SCN1A: variants seen among roughly 807,000 people sequenced by gnomAD.
The protein encoded by SCN1A is sodium channel protein type 1 subunit alpha.
In SCN1A, 13 loss-of-function variants were observed where a neutral mutation model predicts 193.7. The ratio of observed to expected loss-of-function variants is 0.07; its 90% confidence interval spans 0.04 to 0.11. The LOEUF (loss-of-function observed/expected upper bound fraction) is 0.11, where lower values mean the gene tolerates loss of function less well. SCN1A is among the 10% of genes least tolerant of loss of function. The pLI is 1.00. For synonymous variants in SCN1A, 781 were observed against 843.6 expected, an observed-to-expected ratio of 0.93 and a Z score of 1.29; for missense variants, 1,432 against 2,451.1, an observed-to-expected ratio of 0.58 and a Z score of 8.78.
upstream of SCN1A, among the ~76,000 whole-genome samples, chr2:166,130,022 T>C (rs1691594053): frequency 6.6e-6 from 1 of 152,122 alleles, no homozygotes; most frequent in South Asian, 2.1e-4. Flanking sequence ...GATACTGAAA[T>C]AGCAGCCAGC....
chr2:166,082,455 T>A (rs896574405), intron 2 of SCN1A, among the ~76,000 whole-genome samples: 1 of 150,570 alleles, frequency 6.6e-6, no homozygotes, highest in African/African-American at 2.4e-5. Context: ...CTCTAATTGA[T>A]CTAGGTCTCT....
At chr2:166,140,618 C>T (rs1692041072) in intron 1 of SCN1A, among the ~76,000 whole-genome samples, 1 of 152,158 alleles carries the variant, frequency 6.6e-6, no homozygotes, top group Non-Finnish European at 1.5e-5. Flanking sequence ...AAGCATGCCT[C>T]AATCTGGCAA....
chr2:166,116,068 G>A (rs555718178), intron 2 of SCN1A, among the ~76,000 whole-genome samples: 3 of 152,272 alleles, frequency 2.0e-5, no homozygotes, highest in East Asian at 1.9e-4. Flanking sequence ...AAGGTAGATC[G>A]ACCATGGGGT....
At chr2:166,063,779 T>C (rs1559264794) in intron 4 of SCN1A, among the ~76,000 whole-genome samples, 1 of 152,108 alleles carries the variant, frequency 6.6e-6, no homozygotes. Flanking sequence ...ATCTGAATTA[T>C]TATCATTTGG....
chr2:166,124,091 A>G (rs1690953076), intron 2 of SCN1A, among the ~76,000 whole-genome samples: 1 of 152,124 alleles, frequency 6.6e-6, no homozygotes, highest in Non-Finnish European at 1.5e-5. Context: ...AAGAACTTAC[A>G]TTTACTGACA....
intron 2 of SCN1A, among the ~76,000 whole-genome samples, chr2:166,083,582 T>G (rs1001135793): frequency 2.6e-5 from 4 of 152,084 alleles, no homozygotes; most frequent in Non-Finnish European, 5.9e-5. Flanking sequence ...AGTTTTTGCC[T>G]GAGATTCAGA....
At chr2:166,115,250 T>C (rs1485383387) in intron 2 of SCN1A, among the ~76,000 whole-genome samples, 1 of 152,058 alleles carries the variant, frequency 6.6e-6, no homozygotes, top group Non-Finnish European at 1.5e-5. Flanking sequence ...TCCCCGCCAC[T>C]TGGGGGGCTG....
chr2:166,118,099 T>A (rs1392275470), intron 2 of SCN1A, among the ~76,000 whole-genome samples: 1 of 147,660 alleles, frequency 6.8e-6, no homozygotes, highest in Non-Finnish European at 1.5e-5. Flanking sequence ...ATCAGCAGAG[T>A]ATGCAAAAAC....
downstream of SCN1A, chr2:165,985,519 G>C (rs1011352249): frequency 2.6e-5 from 4 of 152,100 alleles, no homozygotes; most frequent in African/African-American, 9.7e-5. Context: ...TTATAATGAT[G>C]TCCTCTTGCT....
chr2:166,136,886 G>A (rs1278998293), intron 1 of SCN1A, among the ~76,000 whole-genome samples: 3 of 152,124 alleles, frequency 2.0e-5, no homozygotes, highest in African/African-American at 7.2e-5. Context: ...GGTGTGGTCG[G>A]GGAGACTCTC....
At chr2:166,082,743 G>T (rs1685669182) in intron 2 of SCN1A, among the ~76,000 whole-genome samples, 3 of 151,948 alleles carry the variant, frequency 2.0e-5, no homozygotes. Context: ...TAATTTATCT[G>T]TAACTCCAAA....
Position 166,012,286 on chromosome 2 carries a change from T to C in SCN1A, c.3706-4A>G, listed in dbSNP as rs755132803. ...CAATATATATATCTTCAAATGCCTA[T>C]AAAGAAAATGTTACACATTATTAGC... On this transcript the variant is annotated splice_polypyrimidine_tract_variant and splice_region_variant and intron_variant, in intron 21 of 28. Coordinates refer to ENST00000674923, the MANE Select transcript of SCN1A (RefSeq NM_001165963.4). 6.2e-7 allele frequency: 1 copy of C among 1,602,380 alleles called. No homozygotes were observed.
At chr2:166,075,856 T>A (rs543743845) in intron 3 of SCN1A, among the ~76,000 whole-genome samples, 1 of 152,112 alleles carries the variant, frequency 6.6e-6, no homozygotes, top group East Asian at 1.9e-4. Context: ...ATTTCCAATC[T>A]GACAGGGACA....
chr2:166,121,118 G>GAAAAAA (rs11299049), intron 2 of SCN1A, among the ~76,000 whole-genome samples: 3 of 96,580 alleles, frequency 3.1e-5, no homozygotes, highest in East Asian at 3.0e-4. Flanking sequence ...GGAAAAAAAA[G>GAAAAAA]AAAAAAAAAA....
At position 165,987,892 on chromosome 2, in the gene SCN1A, C is replaced by T. The variant is rs1370869788; in HGVS notation, c.*3353G>A. On this transcript the variant is annotated 3_prime_UTR_variant, in exon 29 of 29. Coordinates refer to ENST00000674923, the MANE Select transcript of SCN1A (RefSeq NM_001165963.4). ...TGCAGGGTTTATCCTATAATTCTGA[C>T]CTACCTTAGTTGGAAATGGGAATTT... 7 of 151,988 alleles carry T rather than the reference C, an allele frequency of 4.6e-5. No homozygotes were observed. The East Asian group carries it at 1.4e-3, about 29-fold the overall frequency. The allele number at this position is 151,988 out of a possible 1,614,324, so 9.4% of individuals were successfully genotyped here. A position where few individuals can be genotyped will look rare whatever the true frequency, so the allele number is the denominator to read the frequency against.
At chr2:166,111,324 TA>T (rs1391947175) in intron 2 of SCN1A, among the ~76,000 whole-genome samples, 1 of 152,038 alleles carries the variant, frequency 6.6e-6, no homozygotes, top group Admixed American at 6.6e-5. Context: ...AGAAGTATGC[TA>T]AATATACTCT....
chr2:165,996,161 G>A, intron 26 of SCN1A, 44 bp from the exon 27 acceptor site: 2 of 1,253,374 alleles, frequency 1.6e-6, no homozygotes, highest in Non-Finnish European at 1.2e-6. Flanking sequence ...GTGTCCTTTT[G>A]TACATTTTTT....
At chr2:166,094,653 T>G (rs1385362272) in intron 2 of SCN1A, among the ~76,000 whole-genome samples, 1 of 152,236 alleles carries the variant, frequency 6.6e-6, no homozygotes, top group Admixed American at 6.5e-5. Context: ...ACTAGCAGTT[T>G]CATCTTCTAA....
chr2:166,051,707 A>G lies in SCN1A; in HGVS notation c.964+12T>C. 6.3e-7 allele frequency: 1 copy of G among 1,583,666 alleles called. No homozygotes were observed. Among genetic ancestry groups the G allele is most frequent in the African/African-American group, 1.3e-5 (1 of 74,296 alleles). On this transcript the variant is annotated intron_variant, in intron 9 of 28. Coordinates refer to ENST00000674923, the MANE Select transcript of SCN1A (RefSeq NM_001165963.4). ...TACTTTTTAAGGAAATGTACATAACAATAATTCTTACTTGAATCTTGAATA... is the reference window on the plus strand; with the variant it reads ...TACTTTTTAAGGAAATGTACATAACGATAATTCTTACTTGAATCTTGAATA...
Sources: gnomAD v4.1 joint callset for allele counts (sites outside exome capture counted in the v4.1 genomes callset) on GRCh38, gnomAD v4.1.1 for gene constraint, MANE v1.5 for transcripts, NCBI Gene and HGNC (gene_info 2026-07-23, HGNC 2026-07-21) for gene names.